The following NAALADL2 variants were observed in gnomAD, a reference collection of about 807,000 sequenced individuals.
NAALADL2 encodes inactive N-acetylated-alpha-linked acidic dipeptidase-like protein 2.
NAALADL2 carries 76 observed loss-of-function variants against 87.2 expected under a neutral mutation model. The ratio of observed to expected loss-of-function variants is 0.87; its 90% CI spans 0.72 to 1.05. The LOEUF (loss-of-function observed/expected upper bound fraction) is 1.05, where lower values mean the gene tolerates loss of function less well. Among genes scored for constraint, NAALADL2 ranks in the 50% least tolerant of loss-of-function variants. The pLI, the probability that NAALADL2 is intolerant of heterozygous loss-of-function variation, is 0.00. For missense variants in NAALADL2, 1,089 were observed against 945.8 expected, an observed-to-expected ratio of 1.15 and a Z score of -1.99; for synonymous variants, 354 against 331.0, an observed-to-expected ratio of 1.07 and a Z score of -0.75.
At chr3:175,070,135 A>G (rs904049955) in intron 1 of NAALADL2, among the ~76,000 whole-genome samples, 2 of 151,440 alleles carry the variant, frequency 1.3e-5, no homozygotes, top group African/African-American at 4.8e-5. Flanking sequence ...CACATTGTGC[A>G]CATGTACCCT....
chr3:175,492,360 C>G (rs1728224916), intron 9 of NAALADL2, among the ~76,000 whole-genome samples: 1 of 152,066 alleles, frequency 6.6e-6, no homozygotes, highest in Admixed American at 6.6e-5. Flanking sequence ...CTTTGAGAGA[C>G]AGGATACTTT....
At position 175,236,312 on chromosome 3, in the gene NAALADL2, G is replaced by A. The variant is rs537326906; in HGVS notation, c.819+2108G>A. Among the ~76,000 whole-genome samples, 9 of 152,134 alleles carry A rather than the reference G, an allele frequency of 5.9e-5. No homozygotes were observed. The East Asian group carries it at 9.7e-4, about 16-fold the overall frequency. On this transcript the variant is annotated intron_variant, in intron 3 of 13. Coordinates refer to ENST00000454872, the MANE Select transcript of NAALADL2 (RefSeq NM_207015.3). ...CCGTAATCCCAGCACATTGGAGGCC[G>A]AGGCGGGTGGATCACCTGAGGTTAG... is the stretch of plus-strand genomic sequence containing the variant.
chr3:175,649,847 AT>A (rs1486314045), intron 11 of NAALADL2, among the ~76,000 whole-genome samples: 1 of 152,118 alleles, frequency 6.6e-6, no homozygotes, highest in African/African-American at 2.4e-5. Flanking sequence ...TGGTACCTAA[AT>A]TTTAGATTTT....
chr3:174,963,534 G>A lies in NAALADL2; in HGVS notation c.43+104084G>A, dbSNP rs776102342. On this transcript the variant is annotated intron_variant, in intron 1 of 13. Transcript: ENST00000454872. ...ATTTTTAGAAATACTGTGACTCTGC[G>A]GAATATCCCCAGACTTTGTTGACCT... is the stretch of plus-strand genomic sequence containing the variant. Among the ~76,000 whole-genome samples the A allele has an allele frequency of 1.1e-4, 17 of 152,054 alleles. No individual in the cohort carries two copies. The East Asian group carries it at 1.5e-3, about 14-fold the overall frequency.
Position 175,368,067 on chromosome 3 carries a change from C to T in NAALADL2, c.1090+43742C>T, listed in dbSNP as rs373345454. ...TTTATTGAGAGTTTTTAGCATGAAG[C>T]GTTGTTGAATTTTGTCAAAGGCCTT... On this transcript the variant is annotated intron_variant, in intron 5 of 13. Transcript: ENST00000454872. Among the ~76,000 whole-genome samples, 63 of 151,888 alleles carry T rather than the reference C, an allele frequency of 4.1e-4. 2 individuals carry two copies. The South Asian group carries it at 8.3e-3, about 20-fold the overall frequency.
chr3:174,581,606 G>GT (rs1283530294), intron 2 of NAALADL2, among the ~76,000 whole-genome samples: 2 of 152,178 alleles, frequency 1.3e-5, no homozygotes, highest in Non-Finnish European at 2.9e-5. Context: ...TCTTGTCTTA[G>GT]TAAAGAGGTT....
intron 11 of NAALADL2, among the ~76,000 whole-genome samples, chr3:175,699,212 C>A (rs1738635141): frequency 6.6e-6 from 1 of 151,830 alleles, no homozygotes; most frequent in African/African-American, 2.4e-5. Context: ...AGTTTATAAG[C>A]TCAGGAAAAA....
At chr3:175,787,342 TG>T (rs1752158231) in intron 13 of NAALADL2, among the ~76,000 whole-genome samples, 1 of 152,144 alleles carries the variant, frequency 6.6e-6, no homozygotes, top group Admixed American at 6.5e-5. Flanking sequence ...GATCTCAGAC[TG>T]CTGTGCTAGC....
chr3:174,894,543 G>A (rs374688987), intron 1 of NAALADL2, among the ~76,000 whole-genome samples: 2 of 133,190 alleles, frequency 1.5e-5, no homozygotes, highest in East Asian at 2.2e-4. Context: ...GCAATGAGCC[G>A]AGATCATGCC....
At chr3:174,510,579 C>T (rs1719535856) in intron 1 of NAALADL2, among the ~76,000 whole-genome samples, 1 of 151,824 alleles carries the variant, frequency 6.6e-6, no homozygotes. Flanking sequence ...GATGTCTTCT[C>T]TCATTTCTTT....
intron 10 of NAALADL2, among the ~76,000 whole-genome samples, chr3:175,626,217 C>T (rs981992641): frequency 4.6e-5 from 7 of 151,846 alleles, no homozygotes; most frequent in Non-Finnish European, 5.9e-5. Context: ...TTCTGGGTAA[C>T]TTTATTGAAC....
chr3:174,709,552 G>C (rs1002446798), intron 2 of NAALADL2, among the ~76,000 whole-genome samples: 11 of 152,126 alleles, frequency 7.2e-5, no homozygotes, highest in African/African-American at 2.7e-4. Flanking sequence ...GATATGGCTT[G>C]ATCTATGGAA....
At chr3:175,413,203 C>T (rs976251700) in intron 5 of NAALADL2, among the ~76,000 whole-genome samples, 3 of 143,294 alleles carry the variant, frequency 2.1e-5, no homozygotes, top group Admixed American at 1.4e-4. Flanking sequence ...TGGAGAATAT[C>T]CTGGCTAACA....
intron 3 of NAALADL2, among the ~76,000 whole-genome samples, chr3:174,834,057 A>G (rs1272066025): frequency 6.7e-6 from 1 of 149,900 alleles, no homozygotes; most frequent in African/African-American, 2.5e-5. Context: ...ATTGTAATAA[A>G]GGAAGAAAAA....
At chr3:175,016,168 C>G (rs4585208) in intron 1 of NAALADL2, among the ~76,000 whole-genome samples, 1 of 150,360 alleles carries the variant, frequency 6.7e-6, no homozygotes, top group African/African-American at 2.4e-5. Flanking sequence ...AAGACCAAAT[C>G]ATACTATTTT....
chr3:175,762,594 A>T (rs1748169147), intron 13 of NAALADL2, among the ~76,000 whole-genome samples: 1 of 152,142 alleles, frequency 6.6e-6, no homozygotes, highest in African/African-American at 2.4e-5. Context: ...TAACCAAGGG[A>T]GACATATTTA....
intron 10 of NAALADL2, among the ~76,000 whole-genome samples, chr3:175,603,791 C>T (rs1723279874): frequency 6.6e-6 from 1 of 151,924 alleles, no homozygotes; most frequent in South Asian, 2.1e-4. Context: ...AAAAATACCT[C>T]TTAAAGCCTG....
chr3:174,617,422 A>G (rs568701013), intron 2 of NAALADL2, among the ~76,000 whole-genome samples: 78 of 151,900 alleles, frequency 5.1e-4, no homozygotes, highest in African/African-American at 1.8e-3. Context: ...AATAAGAAAA[A>G]ATGATACATT....
At chr3:174,574,958 A>G (rs895229371) in intron 2 of NAALADL2, among the ~76,000 whole-genome samples, 1 of 152,098 alleles carries the variant, frequency 6.6e-6, no homozygotes, top group Non-Finnish European at 1.5e-5. Context: ...GGCTGTTATG[A>G]ATGAAGCTGC....
Sources: gnomAD v4.1 joint callset for allele counts (sites outside exome capture counted in the v4.1 genomes callset) on GRCh38, gnomAD v4.1.1 for gene constraint, MANE v1.5 for transcripts, NCBI Gene and HGNC (gene_info 2026-07-23, HGNC 2026-07-21) for gene names.